Variants in ZNF148 observed in about 807,000 individuals in gnomAD.
The protein encoded by ZNF148 is zinc finger protein 148, also known as Beta-Enolase Repressor Factor-1.
In ZNF148, 7 loss-of-function variants were observed where a neutral mutation model predicts 67.7. The ratio of observed to expected loss-of-function variants is 0.10; its 90% CI spans 0.06 to 0.19. The LOEUF (loss-of-function observed/expected upper bound fraction) is 0.19, where lower values mean the gene tolerates loss of function less well. Ranked by LOEUF, ZNF148 falls within the 10% of genes least tolerant of loss-of-function variation. The pLI, the probability that ZNF148 is intolerant of heterozygous loss-of-function variation, is 1.00. For synonymous variants in ZNF148, 333 were observed against 330.7 expected (o/e 1.01, Z -0.08); for missense variants, 583 against 947.1 (o/e 0.62, Z 5.05).
intron 3 of ZNF148, among the ~76,000 whole-genome samples, chr3:125,320,443 C>T (rs1332404192): frequency 6.6e-6 from 1 of 152,126 alleles, no homozygotes; most frequent in African/African-American, 2.4e-5. Flanking sequence ...AATTAATCTG[C>T]ATTTGAGCAT....
At chr3:125,253,584 A>G (rs1348252982) in intron 7 of ZNF148, among the ~76,000 whole-genome samples, 4 of 152,230 alleles carry the variant, frequency 2.6e-5, no homozygotes, top group African/African-American at 7.2e-5. Flanking sequence ...TTTGCTACAT[A>G]GTCAGATAAA....
intron 1 of ZNF148, among the ~76,000 whole-genome samples, chr3:125,334,776 C>T (rs1014831677): frequency 3.9e-5 from 6 of 152,068 alleles, no homozygotes; most frequent in Middle Eastern, 3.4e-3. Flanking sequence ...CTGTGCTTAT[C>T]CCCCACCCAT....
intron 1 of ZNF148, among the ~76,000 whole-genome samples, chr3:125,337,436 C>T (rs1347123140): frequency 6.6e-6 from 1 of 152,158 alleles, no homozygotes; most frequent in African/African-American, 2.4e-5. Context: ...AATCCTTCCC[C>T]AGATAATGTA....
chr3:125,327,666 C>T (rs1181638175), intron 2 of ZNF148, among the ~76,000 whole-genome samples: 1 of 152,128 alleles, frequency 6.6e-6, no homozygotes, highest in Non-Finnish European at 1.5e-5. Flanking sequence ...CAAACAAATA[C>T]ATTTATATGT....
intron 1 of ZNF148, among the ~76,000 whole-genome samples, chr3:125,339,885 G>A (rs2107731506): frequency 6.6e-6 from 1 of 152,188 alleles, no homozygotes; most frequent in South Asian, 2.1e-4. Flanking sequence ...GTTCAGGGTG[G>A]TATGGCCGTA....
At chr3:125,325,690 C>T (rs1241973417) in intron 2 of ZNF148, among the ~76,000 whole-genome samples, 1 of 152,100 alleles carries the variant, frequency 6.6e-6, no homozygotes, top group Non-Finnish European at 1.5e-5. Context: ...GTCTCGAACT[C>T]CTGACCTCAG....
chr3:125,323,542 AT>A, intron 2 of ZNF148, 98 bp from the exon 3 acceptor site: 1 of 506,432 alleles, frequency 2.0e-6, no homozygotes, highest in South Asian at 3.3e-5. Flanking sequence ...TGAAGTGAAA[AT>A]TCTTTCTAAA....
chr3:125,354,592 C>T (rs1347109091), intron 1 of ZNF148, among the ~76,000 whole-genome samples: 1 of 152,216 alleles, frequency 6.6e-6, no homozygotes, highest in African/African-American at 2.4e-5. Flanking sequence ...AACAGATTTA[C>T]AATCAGCACA....
intron 4 of ZNF148, among the ~76,000 whole-genome samples, chr3:125,294,225 A>T (rs9818938): frequency 6.6e-6 from 1 of 152,008 alleles, no homozygotes; most frequent in African/African-American, 2.4e-5. Context: ...AAAAGTCTGC[A>T]TTCAACTGAA....
chr3:125,245,820 A>G (rs1936573633), intron 7 of ZNF148, among the ~76,000 whole-genome samples: 1 of 152,172 alleles, frequency 6.6e-6, no homozygotes, highest in Admixed American at 6.6e-5. Flanking sequence ...CTAATTCCAC[A>G]TTACAGCCAG....
intron 5 of ZNF148, among the ~76,000 whole-genome samples, chr3:125,281,317 A>C (rs1938372088): frequency 6.6e-6 from 1 of 152,246 alleles, no homozygotes; most frequent in African/African-American, 2.4e-5. Flanking sequence ...CATAATAATA[A>C]GCAAGTTAAC....
intron 2 of ZNF148, among the ~76,000 whole-genome samples, chr3:125,324,216 G>A (rs1314992816): frequency 6.6e-6 from 1 of 151,910 alleles, no homozygotes; most frequent in Non-Finnish European, 1.5e-5. Flanking sequence ...CTTACAAACA[G>A]TAATCATACC....
Position 125,288,153 on chromosome 3 carries a change from G to A in ZNF148, c.409C>T (p.Pro137Ser). ...LMRDKKQIREPVDLQKKKKRK... is the reference protein window; with the variant it reads ...LMRDKKQIRESVDLQKKKKRK... ...TTCTTCTTTTTCTGTAAGTCTACTGGCTCTCTGATTTGTTTTTTGTCTCTC... is the reference window on the plus strand; with the variant it reads ...TTCTTCTTTTTCTGTAAGTCTACTGACTCTCTGATTTGTTTTTTGTCTCTC... The change falls in exon 5 of 9, where the codon CCA becomes TCA. Residue 137 changes from proline to serine, a missense_variant. Pro to Ser is a moderately conservative substitution (Grantham distance 74). Around this residue, in one of 5 missense-constraint regions of ZNF148, gnomAD observed 150 missense variants for 202.5 expected, o/e 0.74. Transcript: ENST00000360647. 6.2e-7 allele frequency: 1 copy of A among 1,613,642 alleles called. No homozygotes were observed. The highest frequency in any genetic ancestry group is 8.5e-7 in the Non-Finnish European group (1 of 1,179,820).
chr3:125,312,598 G>C (rs559851292), intron 4 of ZNF148, among the ~76,000 whole-genome samples: 1 of 152,280 alleles, frequency 6.6e-6, no homozygotes, highest in East Asian at 1.9e-4. Flanking sequence ...CAGGTATGAA[G>C]TATGACTGAG....
chr3:125,277,317 C>T (rs1954790010), intron 7 of ZNF148, among the ~76,000 whole-genome samples: 3 of 152,040 alleles, frequency 2.0e-5, no homozygotes, highest in African/African-American at 7.2e-5. Context: ...TTTAAGATTA[C>T]ATGTCTAAGG....
At chr3:125,357,407 A>C (rs4679389) in intron 1 of ZNF148, 117,854 of 152,790 alleles carry the variant, frequency 0.77, 45,948 homozygotes, top group African/African-American at 0.85. Context: ...ACACACACAC[A>C]CCCCCCAAAA....
chr3:125,258,892 T>C (rs927775758), intron 7 of ZNF148, among the ~76,000 whole-genome samples: 2 of 152,148 alleles, frequency 1.3e-5, no homozygotes, highest in African/African-American at 4.8e-5. Flanking sequence ...CAAATCTAAC[T>C]GATATGCCAA....
chr3:125,358,345 A>G (rs759649422), intron 1 of ZNF148, among the ~76,000 whole-genome samples: 1 of 152,152 alleles, frequency 6.6e-6, no homozygotes, highest in Non-Finnish European at 1.5e-5. Context: ...AGCTTCATAA[A>G]TCACTTCCAT....
At position 125,232,704 on chromosome 3, in the gene ZNF148, G is replaced by A. The variant is rs765318034; in HGVS notation, c.2022C>T (p.Ser674=). The A allele has an allele frequency of 6.2e-7, 1 of 1,613,804 alleles. No individual in the cohort carries two copies. Among genetic ancestry groups the A allele is most frequent in the South Asian group, 1.1e-5 (1 of 91,070 alleles). The stretch of plus-strand genomic sequence containing the variant: ...AATCACCAACTATTAGTCCAAAGTG[G>A]GACTTATCTGGAGTTGTTCTTAGTG... ...NSPLRTTPDK[S]HFGLIVGDSQ... is the part of the protein sequence containing the mutation. Residue 674 remains serine (S), a synonymous_variant, in exon 9 of 9, where the codon TCC becomes TCT. Transcript: ENST00000360647. The surrounding 1 kb of genome is among the most constrained non-coding windows in gnomAD (Gnocchi z 4.2).
Sources: gnomAD v4.1 joint callset for allele counts (sites outside exome capture counted in the v4.1 genomes callset) on GRCh38, gnomAD v4.1.1 for gene constraint, gnomAD v4.1.1 regional missense constraint, Gnocchi (gnomAD v3.1) non-coding constraint, MANE v1.5 for transcripts, NCBI Gene and HGNC (gene_info 2026-07-23, HGNC 2026-07-21) for gene names.